LRRC4C: variants seen among roughly 807,000 people sequenced by gnomAD.
LRRC4C encodes the protein leucine rich repeat containing 4C.
In LRRC4C, 5 loss-of-function variants were observed where a neutral mutation model predicts 33.6. The observed-to-expected ratio is 0.15, with a 90% confidence interval of 0.08 to 0.31. The LOEUF is 0.31. Ranked by LOEUF, LRRC4C falls within the 10% of genes least tolerant of loss-of-function variation. The pLI is 1.00. For missense variants in LRRC4C, 560 were observed against 796.7 expected, an observed-to-expected ratio of 0.70 and a Z score of 3.58; for synonymous variants, 329 against 302.0, an observed-to-expected ratio of 1.09 and a Z score of -0.93.
At chr11:40,158,737 C>T (rs1176458481) in intron 5 of LRRC4C, among the ~76,000 whole-genome samples, 1 of 152,092 alleles carries the variant, frequency 6.6e-6, no homozygotes, top group African/African-American at 2.4e-5. Flanking sequence ...GGTATCCAAC[C>T]TAATATCCAT....
intron 5 of LRRC4C, among the ~76,000 whole-genome samples, chr11:40,212,077 A>G (rs182617962): frequency 1.3e-5 from 2 of 152,312 alleles, no homozygotes; most frequent in Admixed American, 1.3e-4. Flanking sequence ...TTCATATGTC[A>G]CGTGAATATC....
intron 1 of LRRC4C, among the ~76,000 whole-genome samples, chr11:41,295,674 C>G (rs909722747): frequency 6.6e-6 from 1 of 151,878 alleles, no homozygotes. Context: ...GACTTTCAAG[C>G]CTTCACAGAT....
At chr11:41,246,338 G>C (rs916497857) in intron 1 of LRRC4C, among the ~76,000 whole-genome samples, 1 of 152,134 alleles carries the variant, frequency 6.6e-6, no homozygotes, top group South Asian at 2.1e-4. Context: ...ACAGCGCCTG[G>C]GCTTGGCCAC....
chr11:40,557,044 G>A (rs1028340161), intron 3 of LRRC4C, among the ~76,000 whole-genome samples: 3 of 151,946 alleles, frequency 2.0e-5, no homozygotes, highest in African/African-American at 7.3e-5. Flanking sequence ...AAAAAAGTCA[G>A]GACCATGTGC....
intron 3 of LRRC4C, chr11:40,445,568 T>A (rs10837415): frequency 0.43 from 65,533 of 153,222 alleles, 14,382 homozygotes; most frequent in East Asian, 0.55. Flanking sequence ...CAGCCTCCAC[T>A]TTCATCTCAT....
At chr11:40,476,304 A>T (rs1953217507) in intron 3 of LRRC4C, among the ~76,000 whole-genome samples, 1 of 151,276 alleles carries the variant, frequency 6.6e-6, no homozygotes, top group Admixed American at 6.6e-5. Flanking sequence ...AACATCCTGT[A>T]AAGGGATGAA....
At chr11:40,850,013 C>T (rs1271220690) in intron 2 of LRRC4C, among the ~76,000 whole-genome samples, 1 of 151,756 alleles carries the variant, frequency 6.6e-6, no homozygotes, top group Non-Finnish European at 1.5e-5. Flanking sequence ...ACTGGTTATT[C>T]TAGTTAGAAA....
intron 1 of LRRC4C, among the ~76,000 whole-genome samples, chr11:41,449,768 GAAA>G (rs35510106): frequency 5.5e-5 from 6 of 108,522 alleles, no homozygotes; most frequent in East Asian, 3.0e-4. Flanking sequence ...CCTCTTGATG[GAAA>G]AAAAAAAAAA....
chr11:40,260,899 G>T (rs1867658946), intron 4 of LRRC4C, among the ~76,000 whole-genome samples: 1 of 151,842 alleles, frequency 6.6e-6, no homozygotes, highest in Admixed American at 6.6e-5. Context: ...TATTTTTTTA[G>T]AGACAGGGTC....
chr11:41,173,476 A>C (rs897517661), intron 1 of LRRC4C, among the ~76,000 whole-genome samples: 2 of 152,170 alleles, frequency 1.3e-5, no homozygotes, highest in East Asian at 3.8e-4. Flanking sequence ...GACTCTTTGC[A>C]ATCCTCAAAA....
chr11:40,169,701 T>C (rs778837885), intron 5 of LRRC4C, among the ~76,000 whole-genome samples: 2 of 152,200 alleles, frequency 1.3e-5, no homozygotes, highest in African/African-American at 2.4e-5. Flanking sequence ...TTGTAAGCTA[T>C]GATCTATTCT....
intron 4 of LRRC4C, among the ~76,000 whole-genome samples, chr11:40,294,566 C>T (rs889454272): frequency 1.3e-5 from 2 of 152,108 alleles, no homozygotes; most frequent in African/African-American, 2.4e-5. Context: ...CGGTGTCTCA[C>T]GCCTGTAATC....
intron 3 of LRRC4C, among the ~76,000 whole-genome samples, chr11:40,387,080 C>G (rs1271294213): frequency 6.6e-6 from 1 of 152,052 alleles, no homozygotes; most frequent in Non-Finnish European, 1.5e-5. Context: ...AAATAAAATT[C>G]TGCATTCGAT....
At chr11:41,223,471 A>G (rs913049615) in intron 1 of LRRC4C, among the ~76,000 whole-genome samples, 9 of 152,200 alleles carry the variant, frequency 5.9e-5, no homozygotes, top group South Asian at 2.1e-4. Flanking sequence ...TCATCCATCA[A>G]TACATTATCT....
intron 1 of LRRC4C, among the ~76,000 whole-genome samples, chr11:41,303,377 G>A (rs1378961722): frequency 8.2e-6 from 1 of 122,130 alleles, no homozygotes; most frequent in African/African-American, 3.0e-5. Context: ...ACGGAGTCTC[G>A]TTCACTCAGT....
intron 2 of LRRC4C, among the ~76,000 whole-genome samples, chr11:40,773,215 T>C (rs1160831812): frequency 6.6e-6 from 1 of 152,084 alleles, no homozygotes; most frequent in Non-Finnish European, 1.5e-5. Flanking sequence ...GAAGTAGTGG[T>C]GGGTCACTGG....
At chr11:40,781,083 T>C (rs1950193966) in intron 2 of LRRC4C, among the ~76,000 whole-genome samples, 1 of 152,144 alleles carries the variant, frequency 6.6e-6, no homozygotes, top group South Asian at 2.1e-4. Context: ...ACATAGAGTA[T>C]ATGGTATAGC....
chr11:40,638,770 G>GTTTTTTTTTTTTTTTTTTT (rs34192633), intron 3 of LRRC4C, among the ~76,000 whole-genome samples: 1 of 138,850 alleles, frequency 7.2e-6, no homozygotes, highest in African/African-American at 2.6e-5. Flanking sequence ...AATTGGTCGA[G>GTTTTTTTTTTTTTTTTTTT]TTTTTTTTTT....
At chr11:40,403,365 A>G (rs964622229) in intron 3 of LRRC4C, among the ~76,000 whole-genome samples, 1 of 152,102 alleles carries the variant, frequency 6.6e-6, no homozygotes, top group Non-Finnish European at 1.5e-5. Context: ...ATAGTCCACA[A>G]ATTATATCCT....
Sources: allele counts gnomAD v4.1 joint callset (sites outside exome capture counted in the v4.1 genomes callset), GRCh38; gene constraint gnomAD v4.1.1; transcripts MANE v1.5; gene names NCBI Gene and HGNC (gene_info 2026-07-23, HGNC 2026-07-21).